The following CAMK2B variants were observed in gnomAD, a reference collection of about 807,000 sequenced individuals.
The protein encoded by CAMK2B is calcium/calmodulin-dependent protein kinase type II subunit beta.
A neutral mutation model predicts 93.7 loss-of-function variants in CAMK2B; 27 were observed. The ratio of observed to expected loss-of-function variants is 0.29; its 90% confidence interval spans 0.21 to 0.40. The LOEUF is 0.40. Ranked by LOEUF, CAMK2B falls within the 10% of genes least tolerant of loss-of-function variation. The pLI is 1.00. For synonymous variants in CAMK2B, 374 were observed against 358.8 expected (o/e 1.04, Z -0.48); for missense variants, 568 against 895.8 (o/e 0.63, Z 4.67).
intron 1 of CAMK2B, among the ~76,000 whole-genome samples, chr7:44,294,980 G>A (rs1382865941): frequency 6.6e-6 from 1 of 152,190 alleles, no homozygotes; most frequent in Non-Finnish European, 1.5e-5. Flanking sequence ...AGACAATCAA[G>A]GCCCACAATT....
chr7:44,262,530 TAATTG>T (rs2096887831), intron 3 of CAMK2B, among the ~76,000 whole-genome samples: 1 of 152,180 alleles, frequency 6.6e-6, no homozygotes, highest in Non-Finnish European at 1.5e-5. Context: ...CTTTTCCTTG[TAATTG>T]GGCCATCTTG....
intron 20 of CAMK2B, among the ~76,000 whole-genome samples, chr7:44,223,775 G>A (rs996168661): frequency 6.6e-6 from 1 of 152,038 alleles, no homozygotes; most frequent in African/African-American, 2.4e-5. Flanking sequence ...CCCCCACTAG[G>A]CTGCCTGGCT....
intron 1 of CAMK2B, among the ~76,000 whole-genome samples, chr7:44,287,184 C>T (rs531115147): frequency 6.6e-5 from 10 of 152,232 alleles, no homozygotes; most frequent in Non-Finnish European, 1.2e-4. Flanking sequence ...TGGGCTCTGC[C>T]TCTCCCACGC....
intron 5 of CAMK2B, among the ~76,000 whole-genome samples, chr7:44,247,713 CAT>C (rs1176274367): frequency 1.3e-5 from 2 of 152,168 alleles, no homozygotes; most frequent in East Asian, 3.9e-4. Flanking sequence ...TGCTCGGGCA[CAT>C]GTTATTTCAT....
intron 12 of CAMK2B, among the ~76,000 whole-genome samples, chr7:44,240,402 C>T (rs571559128): frequency 7.9e-5 from 12 of 152,326 alleles, no homozygotes; most frequent in African/African-American, 1.7e-4. Flanking sequence ...GCCCGACAAA[C>T]GCCTGGACAG....
chr7:44,246,540 C>G (rs2096732296), intron 6 of CAMK2B, among the ~76,000 whole-genome samples: 1 of 152,148 alleles, frequency 6.6e-6, no homozygotes, highest in African/African-American at 2.4e-5. Context: ...CACTTGTACA[C>G]ACTTGCATAC....
chr7:44,296,840 A>T (rs757119211), intron 1 of CAMK2B, among the ~76,000 whole-genome samples: 2 of 152,226 alleles, frequency 1.3e-5, no homozygotes, highest in Non-Finnish European at 2.9e-5. Context: ...ATCAAAAATA[A>T]GAAACAAAGA....
chr7:44,247,988 C>T (rs932875925), intron 5 of CAMK2B, among the ~76,000 whole-genome samples: 5 of 152,168 alleles, frequency 3.3e-5, no homozygotes, highest in African/African-American at 1.2e-4. Flanking sequence ...AAGATGGCAC[C>T]ACTGCACTCC....
At chr7:44,239,325 G>T (rs1402316632) in intron 13 of CAMK2B, among the ~76,000 whole-genome samples, 1 of 152,216 alleles carries the variant, frequency 6.6e-6, no homozygotes, top group African/African-American at 2.4e-5. Context: ...AGACCTCGGG[G>T]GCCAGGACCA....
chr7:44,255,759 C>T (rs547912741), intron 4 of CAMK2B, among the ~76,000 whole-genome samples: 14 of 152,200 alleles, frequency 9.2e-5, no homozygotes, highest in Non-Finnish European at 1.6e-4. Flanking sequence ...ATCTGTTGAA[C>T]ATGTGACCTT....
chr7:44,238,009 C>T (rs1224679670), intron 13 of CAMK2B, among the ~76,000 whole-genome samples: 1 of 152,184 alleles, frequency 6.6e-6, no homozygotes, highest in Non-Finnish European at 1.5e-5. Flanking sequence ...CTCTGCGGGC[C>T]GAGGGGGCTA....
chr7:44,232,921 G>C, intron 15 of CAMK2B, 55 bp from the exon 16 acceptor site: 3 of 1,526,918 alleles, frequency 2.0e-6, no homozygotes, highest in Non-Finnish European at 2.7e-6. Flanking sequence ...GAGAAGAGGA[G>C]GAAGCGGAGA....
At chr7:44,255,074 C>T (rs1309697654) in intron 4 of CAMK2B, among the ~76,000 whole-genome samples, 1 of 152,040 alleles carries the variant, frequency 6.6e-6, no homozygotes, top group African/African-American at 2.4e-5. Context: ...AATACTCTCC[C>T]ACCCCCACTT....
intron 1 of CAMK2B, among the ~76,000 whole-genome samples, chr7:44,292,699 T>C (rs892808503): frequency 6.6e-6 from 1 of 152,124 alleles, no homozygotes; most frequent in Non-Finnish European, 1.5e-5. Context: ...TATTTGACCA[T>C]AGAAATCTTT....
rs994631293 is a variant in CAMK2B at position 44,220,139 on chromosome 7, C to T, written c.1924G>A (p.Val642Met). The change falls in exon 23 of 24, where the codon GTG (valine) becomes ATG (methionine). Residue 642 changes from valine to methionine, a missense_variant. Val to Met is a conservative substitution (Grantham distance 21). Transcript: ENST00000395749. ...PRTSQSEETR[V>M]WHRRDGKWQN... is the part of the protein sequence containing the mutation. ...CACTTGCCGTCGCGGCGGTGCCACA[C>T]GCGGGTCTCCTCAGACTGGCTGGTG... 6 of 1,612,340 alleles carry T rather than the reference C, an allele frequency of 3.7e-6. No homozygotes were observed. In the Admixed American group the frequency reaches 5.0e-5, roughly 13 times the overall value.
intron 11 of CAMK2B, 119 bp from the exon 12 acceptor site, chr7:44,240,868 C>A: frequency 1.9e-6 from 2 of 1,044,774 alleles, no homozygotes; most frequent in South Asian, 1.4e-5. Context: ...ATGAGGCTGA[C>A]ATGACCTCAG....
chr7:44,234,832 G>GT (rs1191920813), intron 13 of CAMK2B, among the ~76,000 whole-genome samples, 156 bp from the exon 14 acceptor site: 2 of 152,160 alleles, frequency 1.3e-5, no homozygotes, highest in African/African-American at 2.4e-5. Context: ...CTCTGAGCAG[G>GT]TGGGGGGGCC....
At chr7:44,263,849 G>A (rs988852194) in intron 2 of CAMK2B, 3 of 154,438 alleles carry the variant, frequency 1.9e-5, no homozygotes, top group Non-Finnish European at 2.9e-5. Flanking sequence ...GTCCCATACT[G>A]CAATGCATCA....
intron 2 of CAMK2B, among the ~76,000 whole-genome samples, chr7:44,283,623 C>A (rs941555320): frequency 6.6e-6 from 1 of 152,238 alleles, no homozygotes; most frequent in Non-Finnish European, 1.5e-5. Context: ...GCCATGACGC[C>A]AGGACTCTGC....
Sources: gnomAD v4.1 joint callset for allele counts (sites outside exome capture counted in the v4.1 genomes callset) on GRCh38, gnomAD v4.1.1 for gene constraint, MANE v1.5 for transcripts, NCBI Gene and HGNC (gene_info 2026-07-23, HGNC 2026-07-21) for gene names.